Variants in AP1G1 observed in about 807,000 individuals in gnomAD.
AP1G1 encodes the protein adaptor related protein complex 1 subunit gamma 1, also known as AP-1 complex subunit gamma-1.
In AP1G1, 7 loss-of-function variants were observed where a neutral mutation model predicts 108.3. That is an observed-to-expected ratio of 0.06 (90% CI 0.04 to 0.12). The LOEUF (loss-of-function observed/expected upper bound fraction) is 0.12. Ranked by LOEUF, AP1G1 falls within the 10% of genes least tolerant of loss-of-function variation. AP1G1 has a pLI of 1.00. For synonymous variants in AP1G1, 379 were observed against 353.5 expected (o/e 1.07, Z -0.81); for missense variants, 756 against 1,010.7 (o/e 0.75, Z 3.42).
intron 4 of AP1G1, among the ~76,000 whole-genome samples, chr16:71,772,429 T>A (rs542165110): frequency 6.6e-6 from 1 of 152,316 alleles, no homozygotes; most frequent in East Asian, 1.9e-4. Flanking sequence ...ATGCCCAGCC[T>A]ATCTTTTTTT....
chr16:71,773,135 T>A (rs1274449834), intron 4 of AP1G1, 86 bp downstream of exon 4: 2 of 1,439,794 alleles, frequency 1.4e-6, no homozygotes, highest in Non-Finnish European at 1.9e-6. Flanking sequence ...TACATTATCA[T>A]CAGATCTTTC....
At chr16:71,793,551 A>G (rs935367873) in intron 1 of AP1G1, among the ~76,000 whole-genome samples, 2 of 152,238 alleles carry the variant, frequency 1.3e-5, no homozygotes, top group Non-Finnish European at 2.9e-5. Flanking sequence ...ATAAAAACCT[A>G]TATACAGCAG....
intron 1 of AP1G1, chr16:71,807,933 T>C (rs2033052474): frequency 2.4e-6 from 3 of 1,270,580 alleles, no homozygotes; most frequent in South Asian, 2.5e-5. Context: ...GGAATCCACA[T>C]ATGAGAAAAC....
intron 22 of AP1G1, among the ~76,000 whole-genome samples, chr16:71,733,721 G>C (rs1299771470): frequency 6.6e-6 from 1 of 152,050 alleles, no homozygotes; most frequent in African/African-American, 2.4e-5. Flanking sequence ...TTGTATCCAA[G>C]TCTCTTAAAA....
chr16:71,750,273 A>C lies in AP1G1; in HGVS notation c.1344T>G (p.Ser448Arg), dbSNP rs780721886. 6.2e-7 allele frequency: 1 copy of C among 1,614,064 alleles called. No individual in the cohort carries two copies. The highest frequency in any genetic ancestry group is 8.5e-7 in the Non-Finnish European group (1 of 1,179,942). The change falls in exon 14 of 23, where the codon AGT (serine) becomes AGG (arginine). Residue 448 changes from serine to arginine, a missense_variant. Around this residue, in one of 3 missense-constraint regions of AP1G1, gnomAD observed 357 missense variants for 366.5 expected, o/e 0.97. Coordinates refer to ENST00000299980, the MANE Select transcript of AP1G1 (RefSeq NM_001128.6). ...VPNLIQLITN[S>R]VEMHAYTVQR... ...GGACAGTATAGGCATGCATCTCCAC[A>C]CTATTAGTTATTAACTGGATTAAAT...
intron 1 of AP1G1, among the ~76,000 whole-genome samples, chr16:71,791,201 C>T (rs554848201): frequency 7.0e-6 from 1 of 142,462 alleles, no homozygotes; most frequent in Non-Finnish European, 1.5e-5. Context: ...GCCTGGGCAA[C>T]AGAGCAAGAC....
chr16:71,765,942 A>G (rs565410193), intron 6 of AP1G1, among the ~76,000 whole-genome samples: 1 of 152,342 alleles, frequency 6.6e-6, no homozygotes, highest in East Asian at 1.9e-4. Flanking sequence ...CTAGGTGGCA[A>G]AAACATGTTC....
rs902882345 is a variant in AP1G1 at position 71,732,976 on chromosome 16, G to C, written c.*82C>G. ...CTCCTCATGCCCGTGGTACAGTTGG[G>C]GGGGACTTGCCAGCAATCACAACCT... On this transcript the variant is annotated 3_prime_UTR_variant, in exon 23 of 23. Transcript: ENST00000299980. 6.3e-6 allele frequency: 7 copies of C among 1,111,256 alleles called. No homozygotes were observed. The African/African-American group carries it at 7.7e-5, about 12-fold the overall frequency. The allele number at this position is 1,111,256 out of a possible 1,614,324, so 68.8% of individuals were successfully genotyped here. A position where few individuals can be genotyped will look rare whatever the true frequency, so the allele number is the denominator to read the frequency against.
intron 21 of AP1G1, among the ~76,000 whole-genome samples, chr16:71,738,389 T>C (rs2045576641): frequency 6.6e-6 from 1 of 152,146 alleles, no homozygotes; most frequent in African/African-American, 2.4e-5. Context: ...TAAATGAACA[T>C]AAATATCCTT....
chr16:71,764,475 A>T (rs372143985), intron 8 of AP1G1, 27 bp from the exon 9 acceptor site: 5 of 1,467,332 alleles, frequency 3.4e-6, no homozygotes, highest in Non-Finnish European at 4.7e-6. Flanking sequence ...AGGGCAGTAC[A>T]TAAGTGATAA....
intron 1 of AP1G1, among the ~76,000 whole-genome samples, chr16:71,790,101 A>G (rs199942933): frequency 6.8e-4 from 2 of 2,930 alleles, no homozygotes; most frequent in South Asian, 0.14. Flanking sequence ...TTTTAAAAGT[A>G]AAAAAAAAAA....
intron 19 of AP1G1, among the ~76,000 whole-genome samples, chr16:71,741,292 T>TA (rs1195571621): frequency 6.6e-6 from 1 of 152,008 alleles, no homozygotes; most frequent in East Asian, 1.9e-4. Flanking sequence ...ACTAGAAAAG[T>TA]AAATGACAGG....
At chr16:71,766,730 T>C (rs1482203097) in intron 6 of AP1G1, among the ~76,000 whole-genome samples, 2 of 152,156 alleles carry the variant, frequency 1.3e-5, no homozygotes, top group African/African-American at 4.8e-5. Flanking sequence ...CCAAGCTATA[T>C]CCAAGGCATG....
intron 19 of AP1G1, among the ~76,000 whole-genome samples, chr16:71,740,564 A>G (rs2045606582): frequency 6.6e-6 from 1 of 152,270 alleles, no homozygotes. Flanking sequence ...CTACACATGT[A>G]CAACAGTAAA....
At chr16:71,777,315 G>A (rs946610517) in intron 2 of AP1G1, among the ~76,000 whole-genome samples, 1 of 151,028 alleles carries the variant, frequency 6.6e-6, no homozygotes, top group Non-Finnish European at 1.5e-5. Flanking sequence ...CCAGAGGGTG[G>A]GGGGAGCGGG....
intron 21 of AP1G1, among the ~76,000 whole-genome samples, chr16:71,738,338 C>T (rs765668312): frequency 6.6e-6 from 1 of 152,012 alleles, no homozygotes; most frequent in Non-Finnish European, 1.5e-5. Flanking sequence ...GGATTACAGC[C>T]GTGAGCCACT....
intron 2 of AP1G1, 152 bp from the exon 3 acceptor site, chr16:71,774,744 G>A (rs1047014208): frequency 1.1e-6 from 1 of 878,614 alleles, no homozygotes; most frequent in East Asian, 3.1e-5. Context: ...TTTTGAGACG[G>A]GGTTTCGCTC....
At chr16:71,780,353 G>A (rs551725386) in intron 2 of AP1G1, among the ~76,000 whole-genome samples, 10 of 151,826 alleles carry the variant, frequency 6.6e-5, no homozygotes, top group East Asian at 1.9e-4. Context: ...TCAGCCAGGC[G>A]TGGTGGCATG....
At chr16:71,761,331 T>C (rs933315466) in intron 10 of AP1G1, among the ~76,000 whole-genome samples, 181 bp downstream of exon 10, 2 of 152,202 alleles carry the variant, frequency 1.3e-5, no homozygotes, top group African/African-American at 4.8e-5. Flanking sequence ...TAGGAATATA[T>C]GCCATGAGAT....
Sources: gnomAD v4.1 joint callset for allele counts (sites outside exome capture counted in the v4.1 genomes callset) on GRCh38, gnomAD v4.1.1 for gene constraint, gnomAD v4.1.1 regional missense constraint, MANE v1.5 for transcripts, NCBI Gene and HGNC (gene_info 2026-07-23, HGNC 2026-07-21) for gene names.